ZNF316: variants seen among roughly 807,000 people sequenced by gnomAD.
ZNF316 encodes the protein zinc finger protein 316.
A neutral mutation model predicts 75.6 loss-of-function variants in ZNF316; 23 were observed. The observed-to-expected ratio is 0.30, with a 90% CI of 0.22 to 0.43. The LOEUF (loss-of-function observed/expected upper bound fraction) is 0.43. ZNF316 is among the 20% of genes least tolerant of loss of function. The pLI is 1.00. For synonymous variants in ZNF316, 827 were observed against 666.2 expected (o/e 1.24, Z -3.72); for missense variants, 1,266 against 1,409.4 (o/e 0.90, Z 1.63).
At position 6,658,205 on chromosome 7, in the gene ZNF316, T is replaced by C. The variant is rs1215631450; in HGVS notation, c.*3594T>C. ...TCCTTCTATCTCCCTTTTTTCTTTC[T>C]CTAATTGGCTACATATGGAATAAAG... On this transcript the variant is annotated 3_prime_UTR_variant, in exon 9 of 9. Transcript: ENST00000382252. Among the ~76,000 whole-genome samples the C allele has an allele frequency of 6.6e-6, 1 of 152,194 alleles. No individual in the cohort carries two copies. Among genetic ancestry groups the C allele is most frequent in the Non-Finnish European group, 1.5e-5 (1 of 68,036 alleles).
chr7:6,644,858 G>C (rs1779371719), intron 8 of ZNF316, among the ~76,000 whole-genome samples: 6 of 152,214 alleles, frequency 3.9e-5, no homozygotes. Context: ...TGCATGTGAG[G>C]GGCCAGCTGT....
intron 8 of ZNF316, among the ~76,000 whole-genome samples, chr7:6,648,887 C>T (rs150538852): frequency 6.6e-5 from 10 of 152,206 alleles, no homozygotes; most frequent in East Asian, 3.9e-4. Context: ...CCTCTAAAGA[C>T]GCCACTCATG....
rs1779281365 is a variant in ZNF316, at chr7:6,639,828, G to A, written c.-167+687G>A. On this transcript the variant is annotated intron_variant, in intron 3 of 8. Transcript: ENST00000382252. The surrounding 1 kb of genome is among the most constrained non-coding windows in gnomAD (Gnocchi z 4.2). Reference sequence around the variant, plus strand: ...CCCAGCGCCCTGAGTGCTGGGCAGGGCCGTGTCCTCCTGGAGGTGGCTAGC... The same window carrying A: ...CCCAGCGCCCTGAGTGCTGGGCAGGACCGTGTCCTCCTGGAGGTGGCTAGC... Among the ~76,000 whole-genome samples the A allele has an allele frequency of 6.6e-6, 1 of 152,238 alleles. No homozygotes were observed. Among genetic ancestry groups the A allele is most frequent in the African/African-American group, 2.4e-5 (1 of 41,464 alleles).
intron 8 of ZNF316, among the ~76,000 whole-genome samples, chr7:6,648,572 C>T (rs1406414042): frequency 3.3e-5 from 5 of 152,176 alleles, no homozygotes; most frequent in Non-Finnish European, 5.9e-5. Context: ...GCAGTCCCAC[C>T]AAGTGGATTG....
Position 6,642,969 on chromosome 7 carries a change from C to G in ZNF316, c.361C>G (p.Gln121Glu). The G allele has an allele frequency of 8.1e-7, 1 of 1,232,548 alleles. No homozygotes were observed. Among genetic ancestry groups the G allele is most frequent in the African/African-American group, 1.6e-5 (1 of 64,364 alleles). 76.4% of individuals were successfully genotyped at this position (1,232,548 alleles called of 1,614,324 possible). ...KSPVLQEKGL[Q>E]ASRAPATPRD... ...TAAGAGATCTCTCCCCACAGGCCTG[C>G]AGGCCTCCCGGGCTCCAGCCACTCC... Residue 121 changes from glutamine (Q) to glutamate (E), a missense_variant, in exon 6 of 9, where the codon CAG becomes GAG. This residue lies in a region of ZNF316 where 961 missense variants were observed against 990.9 expected (regional missense o/e 0.97). Transcript: ENST00000382252. This position sits in a 1 kb window ranked among gnomAD's most constrained non-coding sequence, Gnocchi z 8.1.
chr7:6,657,181 A>C lies in ZNF316; in HGVS notation c.*2570A>C, dbSNP rs1377247514. 6.6e-6 allele frequency among the ~76,000 whole-genome samples: 1 copy of C among 151,934 alleles called. No individual in the cohort carries two copies. Among genetic ancestry groups the C allele is most frequent in the East Asian group, 1.9e-4 (1 of 5,164 alleles). On this transcript the variant is annotated 3_prime_UTR_variant, in exon 9 of 9. Transcript: ENST00000382252. ...GCGAGTTTTTTTGTATTTTTAGTAG[A>C]GATGGGATTTCAGCATATTGGCCAG...
chr7:6,652,703 C>G lies in ZNF316; in HGVS notation c.1107C>G (p.Ala369=). Reference sequence around the variant, plus strand: ...CCAAGCACCAGCGCTACCACGCGGCCGTCAAGCCCTTCGGCTGCGAGGAGT... The same window carrying G: ...CCAAGCACCAGCGCTACCACGCGGCGGTCAAGCCCTTCGGCTGCGAGGAGT... The part of the protein sequence containing the change: ...RLAKHQRYHA[A]VKPFGCEECG... Residue 369 remains alanine (A), a synonymous_variant, in exon 9 of 9, where the codon GCC becomes GCG. Coordinates refer to ENST00000382252, the MANE Select transcript of ZNF316 (RefSeq NM_001278559.2). 8.1e-7 allele frequency: 1 copy of G among 1,237,836 alleles called. No homozygotes were observed. Among genetic ancestry groups the G allele is most frequent in the Non-Finnish European group, 1.0e-6 (1 of 990,560 alleles). 76.7% of individuals were successfully genotyped at this position (1,237,836 alleles called of 1,614,324 possible).
chr7:6,653,000 G>C lies in ZNF316; in HGVS notation c.1404G>C (p.Gln468His). The C allele has an allele frequency of 8.1e-7, 1 of 1,230,574 alleles. No homozygotes were observed. The allele number at this position is 1,230,574 out of a possible 1,614,324, so 76.2% of individuals were successfully genotyped here. ...CGCACTGCGGCCGCAGCTTCAGCCA[G>C]AGCTCGGCGCTGGCACGGCACCAGG... ...PCSHCGRSFS[Q>H]SSALARHQAV... Residue 468 changes from glutamine (Q) to histidine (H), a missense_variant, in exon 9 of 9, where the codon CAG becomes CAC. Gln to His is a conservative substitution (Grantham distance 24). Coordinates refer to ENST00000382252, the MANE Select transcript of ZNF316 (RefSeq NM_001278559.2).
At position 6,652,746 on chromosome 7, in the gene ZNF316, T is replaced by C; in HGVS notation, c.1150T>C (p.Tyr384His). 8.0e-7 allele frequency: 1 copy of C among 1,255,396 alleles called. No individual in the cohort carries two copies. The allele number at this position is 1,255,396 out of a possible 1,614,324, so 77.8% of individuals were successfully genotyped here. A position where few individuals can be genotyped will look rare whatever the true frequency, so the allele number is the denominator to read the frequency against. Residue 384 changes from tyrosine (Y) to histidine (H), a missense_variant, in exon 9 of 9, where the codon TAC becomes CAC. By Grantham distance (83) the Tyr-to-His change is moderately conservative. This residue lies in a region of ZNF316 where 961 missense variants were observed against 990.9 expected (regional missense o/e 0.97). Transcript: ENST00000382252. Reference sequence around the variant, plus strand: ...CGAGGAGTGCGGCAAGGGCTTCGTGTACCGCTCGCACTTGGCCATCCACCA... The same window carrying C: ...CGAGGAGTGCGGCAAGGGCTTCGTGCACCGCTCGCACTTGGCCATCCACCA... Reference protein sequence around the residue: ...GCEECGKGFVYRSHLAIHQRT... With the variant: ...GCEECGKGFVHRSHLAIHQRT...
chr7:6,651,714 G>C (rs1373421999), intron 8 of ZNF316, among the ~76,000 whole-genome samples: 1 of 152,148 alleles, frequency 6.6e-6, no homozygotes, highest in Admixed American at 6.6e-5. Flanking sequence ...AGTGAGCCAA[G>C]ATCGAGCCAC....
At position 6,641,916 on chromosome 7, in the gene ZNF316, C is replaced by G. The variant is rs73348733; in HGVS notation, c.-75C>G. On this transcript the variant is annotated 5_prime_UTR_variant, in exon 4 of 9. Transcript: ENST00000382252. Reference sequence around the variant, plus strand: ...TGCCTGCATCCTGTCTGTGCTGAGACCTCTTGGCGTTCCCTGCTGGCCTGG... The same window carrying G: ...TGCCTGCATCCTGTCTGTGCTGAGAGCTCTTGGCGTTCCCTGCTGGCCTGG... 2,247 of 152,846 alleles carry G rather than the reference C, an allele frequency of 0.015. 59 individuals carry two copies. Among genetic ancestry groups the G allele is most frequent in the African/African-American group, 0.051 (2,136 of 41,590 alleles). The allele number at this position is 152,846 out of a possible 1,614,324, so 9.5% of individuals were successfully genotyped here. A position where few individuals can be genotyped will look rare whatever the true frequency, so the allele number is the denominator to read the frequency against.
In ZNF316 at chr7:6,642,358, C is replaced by T; in HGVS notation, c.-28-24C>T. On this transcript the variant is annotated intron_variant, in intron 4 of 8. Transcript: ENST00000382252. This position sits in a 1 kb window ranked among gnomAD's most constrained non-coding sequence, Gnocchi z 8.1. ...GTGTGGTGTGCTGAGAGCAGCCCGT[C>T]ACTGGCGTCCATCTGCATTTCAGGC... 1 of 1,161,144 alleles carries T rather than the reference C, an allele frequency of 8.6e-7. No homozygotes were observed. The highest frequency in any genetic ancestry group is 1.1e-6 in the Non-Finnish European group (1 of 923,514). The allele number at this position is 1,161,144 out of a possible 1,614,324, so 71.9% of individuals were successfully genotyped here. A position where few individuals can be genotyped will look rare whatever the true frequency, so the allele number is the denominator to read the frequency against.
Position 6,653,279 on chromosome 7 carries a change from G to A in ZNF316, c.1683G>A (p.Val561=). 8.1e-7 allele frequency: 1 copy of A among 1,227,802 alleles called. No individual in the cohort carries two copies. The allele number at this position is 1,227,802 out of a possible 1,614,324, so 76.1% of individuals were successfully genotyped here. Residue 561 remains valine (V), a synonymous_variant, in exon 9 of 9, where the codon GTG becomes GTA. Transcript: ENST00000382252. ...CCGAGGAGAGAGAGGAGGCGGCGGT[G>A]GCGGCGCCCACCCCCAGCGGCAAGG... ...AAAEEREEAA[V]AAPTPSGKVD...
Position 6,657,625 on chromosome 7 carries a change from T to C in ZNF316, c.*3014T>C, listed in dbSNP as rs567861729. Reference sequence around the variant, plus strand: ...GCGGATCCCTTGAGCTCAGATGGATTCCTTGAGCTCAGGAGTTCGAGGCCA... The same window carrying C: ...GCGGATCCCTTGAGCTCAGATGGATCCCTTGAGCTCAGGAGTTCGAGGCCA... On this transcript the variant is annotated 3_prime_UTR_variant, in exon 9 of 9. Coordinates refer to ENST00000382252, the MANE Select transcript of ZNF316 (RefSeq NM_001278559.2). Among the ~76,000 whole-genome samples, 2 of 152,066 alleles carry C rather than the reference T, an allele frequency of 1.3e-5. No homozygotes were observed. The highest frequency in any genetic ancestry group is 3.9e-4 in the East Asian group (2 of 5,170).
intron 8 of ZNF316, 148 bp downstream of exon 8, chr7:6,644,741 G>A (rs1295892449): frequency 2.7e-5 from 11 of 410,544 alleles, no homozygotes; most frequent in Middle Eastern, 6.1e-4. Context: ...GGTGGTTCAA[G>A]TTCCAGAAAG....
At chr7:6,647,580 C>T (rs1046977668) in intron 8 of ZNF316, among the ~76,000 whole-genome samples, 1 of 152,236 alleles carries the variant, frequency 6.6e-6, no homozygotes, top group Non-Finnish European at 1.5e-5. Flanking sequence ...CTGACTTCCA[C>T]AGCCTGCGCT....
At chr7:6,643,396 A>G (rs979787272) in intron 6 of ZNF316, among the ~76,000 whole-genome samples, 1 of 152,226 alleles carries the variant, frequency 6.6e-6, no homozygotes, top group Non-Finnish European at 1.5e-5. Context: ...TGCCTGTCAC[A>G]TGTCCAGGGT....
rs1779650851 is a variant in ZNF316 at position 6,657,690 on chromosome 7, T to A, written c.*3079T>A. On this transcript the variant is annotated 3_prime_UTR_variant, in exon 9 of 9. Coordinates refer to ENST00000382252, the MANE Select transcript of ZNF316 (RefSeq NM_001278559.2). ...GCAAAACTCTTGTCTCTATAAAAAA[T>A]ACAAAAATTAGCTGGGTGTGGTGGC... Among the ~76,000 whole-genome samples, 1 of 151,530 alleles carries A rather than the reference T, an allele frequency of 6.6e-6. No homozygotes were observed. Among genetic ancestry groups the A allele is most frequent in the South Asian group, 2.1e-4 (1 of 4,796 alleles).
In ZNF316 at chr7:6,653,134, G is replaced by T; in HGVS notation, c.1538G>T (p.Gly513Val). The change falls in exon 9 of 9, where the codon GGT (glycine) becomes GTT (valine). Residue 513 changes from glycine (G) to valine (V), a missense_variant. By Grantham distance (109) the Gly-to-Val change is moderately radical. Around this residue, in one of 3 missense-constraint regions of ZNF316, gnomAD observed 961 missense variants for 990.9 expected, o/e 0.97. Coordinates refer to ENST00000382252, the MANE Select transcript of ZNF316 (RefSeq NM_001278559.2). ...HRRGGGCAEA[G>V]GDGPRREPGE... Reference sequence around the variant, plus strand: ...CGCGGCGGGGGCTGCGCGGAGGCGGGTGGTGACGGCCCCCGGCGGGAGCCC... The same window carrying T: ...CGCGGCGGGGGCTGCGCGGAGGCGGTTGGTGACGGCCCCCGGCGGGAGCCC... 6.8e-6 allele frequency: 8 copies of T among 1,171,462 alleles called. No homozygotes were observed. Among genetic ancestry groups the T allele is most frequent in the Non-Finnish European group, 8.4e-6 (8 of 949,822 alleles). The allele number at this position is 1,171,462 out of a possible 1,614,324, so 72.6% of individuals were successfully genotyped here. A position where few individuals can be genotyped will look rare whatever the true frequency, so the allele number is the denominator to read the frequency against.
Sources: allele counts gnomAD v4.1 joint callset (sites outside exome capture counted in the v4.1 genomes callset), GRCh38; gene constraint gnomAD v4.1.1; regional missense constraint gnomAD v4.1.1; non-coding constraint Gnocchi (gnomAD v3.1); transcripts MANE v1.5; gene names NCBI Gene and HGNC (gene_info 2026-07-23, HGNC 2026-07-21).